NTM: variants seen among roughly 807,000 people sequenced by gnomAD.
The protein encoded by NTM is neurotrimin, also known as IgLON family member 2.
A neutral mutation model predicts 42.1 loss-of-function variants in NTM; 13 were observed. The ratio of observed to expected loss-of-function variants is 0.31; its 90% CI spans 0.20 to 0.49. The LOEUF (loss-of-function observed/expected upper bound fraction) is 0.49. NTM is among the 20% of genes least tolerant of loss of function. The probability of loss-of-function intolerance (pLI) is 0.99; values close to 1 mark genes in which losing one functional copy is unlikely to be tolerated. For missense variants in NTM, 373 were observed against 452.8 expected, an observed-to-expected ratio of 0.82 and a Z score of 1.60; for synonymous variants, 187 against 179.2, an observed-to-expected ratio of 1.04 and a Z score of -0.35.
chr11:131,925,536 C>A (rs2057830726), intron 2 of NTM, among the ~76,000 whole-genome samples: 2 of 152,018 alleles, frequency 1.3e-5, no homozygotes, highest in Admixed American at 1.3e-4. Flanking sequence ...CAGGTACATG[C>A]CACCATGCCC....
At chr11:131,864,257 G>A (rs753838722) in intron 1 of NTM, among the ~76,000 whole-genome samples, 1 of 152,196 alleles carries the variant, frequency 6.6e-6, no homozygotes, top group Non-Finnish European at 1.5e-5. Flanking sequence ...CATCAGGGCA[G>A]GATCCATCAG....
intron 2 of NTM, among the ~76,000 whole-genome samples, chr11:132,005,910 A>G (rs1209646713): frequency 6.6e-6 from 1 of 152,238 alleles, no homozygotes; most frequent in Non-Finnish European, 1.5e-5. Flanking sequence ...TAAAACAACA[A>G]TAACCTAGGT....
chr11:132,239,779 A>G (rs575022772), intron 4 of NTM, among the ~76,000 whole-genome samples: 2 of 152,340 alleles, frequency 1.3e-5, no homozygotes, highest in South Asian at 2.1e-4. Context: ...TTCATCCTCT[A>G]TAAGAGTAGC....
chr11:132,128,299 G>A (rs1307784977), intron 2 of NTM, among the ~76,000 whole-genome samples: 1 of 152,022 alleles, frequency 6.6e-6, no homozygotes, highest in African/African-American at 2.4e-5. Context: ...AAATAGTAGA[G>A]CAATTTCTAA....
chr11:131,754,919 A>G (rs1382757358), intron 1 of NTM, among the ~76,000 whole-genome samples: 1 of 152,370 alleles, frequency 6.6e-6, no homozygotes, highest in Middle Eastern at 3.4e-3. Flanking sequence ...ATGAGAGGAA[A>G]AGGCCAGATC....
At chr11:132,165,125 C>G (rs949745221) in intron 3 of NTM, among the ~76,000 whole-genome samples, 2 of 152,136 alleles carry the variant, frequency 1.3e-5, no homozygotes, top group African/African-American at 4.8e-5. Context: ...ATATCCAACA[C>G]CGGCAAAGCT....
intron 2 of NTM, among the ~76,000 whole-genome samples, chr11:132,100,986 G>A (rs963327880): frequency 6.6e-6 from 1 of 152,176 alleles, no homozygotes; most frequent in Non-Finnish European, 1.5e-5. Flanking sequence ...AGCACTGAAT[G>A]CTCATTTGTA....
chr11:132,313,338 G>T (rs2095333321), intron 6 of NTM, among the ~76,000 whole-genome samples: 1 of 152,022 alleles, frequency 6.6e-6, no homozygotes, highest in Non-Finnish European at 1.5e-5. Flanking sequence ...CCCAAAGCAT[G>T]TCCCCTGAAT....
chr11:132,149,322 T>A (rs892987581), intron 3 of NTM, among the ~76,000 whole-genome samples: 1 of 151,832 alleles, frequency 6.6e-6, no homozygotes, highest in African/African-American at 2.4e-5. Context: ...AGAAGCTGAC[T>A]CTCTGGATTT....
chr11:132,171,255 C>T (rs939359198), intron 3 of NTM, among the ~76,000 whole-genome samples: 2 of 152,164 alleles, frequency 1.3e-5, no homozygotes, highest in Non-Finnish European at 1.5e-5. Context: ...CACGTCCTGC[C>T]GCTGATCCTT....
intron 1 of NTM, among the ~76,000 whole-genome samples, chr11:131,842,856 C>T (rs1439447569): frequency 2.0e-5 from 3 of 152,008 alleles, no homozygotes; most frequent in East Asian, 3.9e-4. Flanking sequence ...ACTAAAAATA[C>T]AAAATTTAGT....
chr11:132,041,799 G>A (rs534168266), intron 2 of NTM, among the ~76,000 whole-genome samples: 4 of 152,234 alleles, frequency 2.6e-5, no homozygotes, highest in Non-Finnish European at 5.9e-5. Flanking sequence ...TGGCTCTCAC[G>A]TTTACTAGCA....
intron 1 of NTM, among the ~76,000 whole-genome samples, chr11:131,789,613 GAAGA>G (rs2090411124): frequency 4.7e-5 from 4 of 84,548 alleles, no homozygotes; most frequent in Admixed American, 1.3e-4. Flanking sequence ...AGAAGAAGAA[GAAGA>G]AGAAGAAGAA....
chr11:131,812,023 C>T (rs1381760773), intron 1 of NTM, among the ~76,000 whole-genome samples: 1 of 152,154 alleles, frequency 6.6e-6, no homozygotes, highest in African/African-American at 2.4e-5. Flanking sequence ...CCAAGACATT[C>T]CACGGCTTTT....
At chr11:131,900,825 A>G (rs1434633216) in intron 1 of NTM, among the ~76,000 whole-genome samples, 1 of 152,246 alleles carries the variant, frequency 6.6e-6, no homozygotes, top group African/African-American at 2.4e-5. Context: ...ATTTTTATGG[A>G]ACAATTTTGA....
chr11:131,435,877 G>T (rs981758341), intron 1 of NTM, among the ~76,000 whole-genome samples: 1 of 152,164 alleles, frequency 6.6e-6, no homozygotes, highest in Non-Finnish European at 1.5e-5. Context: ...TTTTCAAAGG[G>T]AATGCTTCCA....
At chr11:131,373,327 T>G (rs1941475942) in intron 1 of NTM, among the ~76,000 whole-genome samples, 1 of 152,160 alleles carries the variant, frequency 6.6e-6, no homozygotes, top group Non-Finnish European at 1.5e-5. Context: ...TCTTCTCCTC[T>G]GTTTTTGTTT....
chr11:131,516,502 C>T (rs2048912681), intron 1 of NTM, among the ~76,000 whole-genome samples: 1 of 152,162 alleles, frequency 6.6e-6, no homozygotes, highest in Non-Finnish European at 1.5e-5. Context: ...CTCAGCCTCC[C>T]AAGTAGCTGG....
At chr11:131,611,793 A>C (rs974030683) in intron 1 of NTM, among the ~76,000 whole-genome samples, 5 of 152,206 alleles carry the variant, frequency 3.3e-5, no homozygotes, top group Admixed American at 2.0e-4. Context: ...CCAAGGTGGG[A>C]AAGACCAGAC....
Sources: gnomAD v4.1 joint callset for allele counts (sites outside exome capture counted in the v4.1 genomes callset) on GRCh38, gnomAD v4.1.1 for gene constraint, MANE v1.5 for transcripts, NCBI Gene and HGNC (gene_info 2026-07-23, HGNC 2026-07-21) for gene names.